Variants in SLC3A1 observed in about 807,000 individuals in gnomAD.
SLC3A1 encodes solute carrier family 3 member 1, also known as amino acid transporter heavy chain SLC3A1.
In SLC3A1, 78 loss-of-function variants were observed where a neutral mutation model predicts 60.3. That is an observed-to-expected ratio of 1.29 (90% confidence interval 1.08 to 1.56). SLC3A1 has a LOEUF of 1.56. Among genes scored for constraint, SLC3A1 ranks in the 40% most tolerant of loss-of-function variants. SLC3A1 has a pLI of 0.00. For missense variants in SLC3A1, 1,172 were observed against 858.9 expected, an observed-to-expected ratio of 1.36 and a Z score of -4.56; for synonymous variants, 392 against 307.9, an observed-to-expected ratio of 1.27 and a Z score of -2.86.
chr2:44,285,982 T>C (rs747884566), intron 3 of SLC3A1, 50 bp from the exon 4 acceptor site: 2 of 1,609,808 alleles, frequency 1.2e-6, no homozygotes, highest in East Asian at 4.5e-5. Flanking sequence ...TCTTTATTTG[T>C]GGGCAATACC....
At chr2:44,276,701 A>G (rs1339649941) in intron 1 of SLC3A1, among the ~76,000 whole-genome samples, 1 of 151,976 alleles carries the variant, frequency 6.6e-6, no homozygotes, top group Non-Finnish European at 1.5e-5. Context: ...CCCGTCTCCA[A>G]AAAGAAAAAA....
intron 7 of SLC3A1, among the ~76,000 whole-genome samples, chr2:44,308,127 G>C (rs1443372794): frequency 6.6e-6 from 1 of 152,084 alleles, no homozygotes; most frequent in Non-Finnish European, 1.5e-5. Context: ...GACAGAGTGA[G>C]ACCCCGTCTC....
downstream of SLC3A1, chr2:44,321,997 C>A (rs994076905): frequency 1.6e-6 from 2 of 1,250,822 alleles, no homozygotes; most frequent in South Asian, 1.6e-5. Context: ...GTACTCAGTT[C>A]AAATAATAGT....
In SLC3A1 at chr2:44,301,705, C is replaced by T. The variant is rs768339236; in HGVS notation, c.1136+578C>T. On this transcript the variant is annotated intron_variant, in intron 6 of 9. Coordinates refer to ENST00000260649, the MANE Select transcript of SLC3A1 (RefSeq NM_000341.4). ...AGCGAGTCAAGATTGCACCACTGCA[C>T]TCCAGCCTGGGCGACAGAGCGAGAC... 2.0e-5 allele frequency among the ~76,000 whole-genome samples: 3 copies of T among 147,860 alleles called. No homozygotes were observed. The Admixed American group carries it at 2.0e-4, about 10-fold the overall frequency.
chr2:44,300,205 A>G (rs1671967565), intron 5 of SLC3A1, 115 bp downstream of exon 5: 2 of 1,025,528 alleles, frequency 2.0e-6, no homozygotes, highest in South Asian at 2.7e-5. Context: ...TGTGTCTAGC[A>G]AGTACCCTGA....
At position 44,304,152 on chromosome 2, in the gene SLC3A1, G is replaced by T. The variant is rs1672090921; in HGVS notation, c.1146G>T (p.Gly382=). ...TTGTCAACTCTTATAGGTTCATGGGGACTGAAGCCTATGCAGAGAGTATTG... is the reference window on the plus strand; with the variant it reads ...TTGTCAACTCTTATAGGTTCATGGGTACTGAAGCCTATGCAGAGAGTATTG... The part of the protein sequence containing the change: ...STEPGRYRFM[G]TEAYAESIDR... The change falls in exon 7 of 10, where the codon GGG becomes GGT. Residue 382 remains glycine (G), a synonymous_variant. Transcript: ENST00000260649. 6.2e-7 allele frequency: 1 copy of T among 1,613,866 alleles called. No individual in the cohort carries two copies. Among genetic ancestry groups the T allele is most frequent in the Non-Finnish European group, 8.5e-7 (1 of 1,179,736 alleles).
chr2:44,277,547 C>T (rs1313219914), intron 1 of SLC3A1, among the ~76,000 whole-genome samples: 1 of 152,152 alleles, frequency 6.6e-6, no homozygotes, highest in Non-Finnish European at 1.5e-5. Context: ...GCTCCCCACC[C>T]CAGATCTTCG....
At chr2:44,297,025 C>A (rs1367628104) in intron 4 of SLC3A1, among the ~76,000 whole-genome samples, 1 of 152,198 alleles carries the variant, frequency 6.6e-6, no homozygotes, top group Non-Finnish European at 1.5e-5. Context: ...ACAAATTACC[C>A]AGTCTTAGAT....
chr2:44,310,697 T>A (rs977992692), intron 7 of SLC3A1, among the ~76,000 whole-genome samples: 3 of 152,168 alleles, frequency 2.0e-5, no homozygotes, highest in African/African-American at 4.8e-5. Flanking sequence ...TGGCTATTTT[T>A]TTTTTAAATA....
chr2:44,316,423 C>G (rs1188466135), intron 9 of SLC3A1: 1 of 152,008 alleles, frequency 6.6e-6, no homozygotes, highest in African/African-American at 2.4e-5. Flanking sequence ...AAAAATTGAT[C>G]CAGGGGCTTG....
At position 44,320,513 on chromosome 2, in the gene SLC3A1, G is replaced by C; in HGVS notation, c.1932G>C (p.Glu644Asp). The C allele has an allele frequency of 6.2e-7, 1 of 1,614,134 alleles. No homozygotes were observed. Among genetic ancestry groups the C allele is most frequent in the Non-Finnish European group, 8.5e-7 (1 of 1,179,984 alleles). Residue 644 changes from glutamate to aspartate, a missense_variant, in exon 10 of 10, where the codon GAG (glutamate) becomes GAC (aspartate). Physicochemically the swap from Glu to Asp is conservative, Grantham distance 45. Transcript: ENST00000260649. ...GTGGCATTTTTCTGGACAAGGGAGAGGGACTCATCTTTGAACACAACACGA... is the reference window on the plus strand; with the variant it reads ...GTGGCATTTTTCTGGACAAGGGAGACGGACTCATCTTTGAACACAACACGA... ...DTSGIFLDKG[E>D]GLIFEHNTKN...
At chr2:44,291,418 C>A (rs1282748002) in intron 4 of SLC3A1, among the ~76,000 whole-genome samples, 1 of 152,158 alleles carries the variant, frequency 6.6e-6, no homozygotes, top group Non-Finnish European at 1.5e-5. Flanking sequence ...GATACCCAAG[C>A]CGTGGAGTGT....
At position 44,280,754 on chromosome 2, in the gene SLC3A1, A is replaced by T. The variant is rs1386696169; in HGVS notation, c.469A>T (p.Ile157Leu). The T allele has an allele frequency of 1.9e-6, 3 of 1,611,126 alleles. No individual in the cohort carries two copies. The African/African-American group carries it at 4.0e-5, about 22-fold the overall frequency. The change falls in exon 2 of 10, where the codon ATA becomes TTA. Residue 157 changes from isoleucine (I) to leucine (L), a missense_variant. Transcript: ENST00000260649. ...ACTGGACTACATCACAGCTTTAAATATAAAAACTGTTTGGATTACTTCATT... is the reference window on the plus strand; with the variant it reads ...ACTGGACTACATCACAGCTTTAAATTTAAAAACTGTTTGGATTACTTCATT... ...DKLDYITALNIKTVWITSFYK... is the reference protein window; with the variant it reads ...DKLDYITALNLKTVWITSFYK...
intron 4 of SLC3A1, among the ~76,000 whole-genome samples, chr2:44,291,188 T>C (rs1671733448): frequency 6.6e-6 from 1 of 152,250 alleles, no homozygotes; most frequent in Admixed American, 6.5e-5. Flanking sequence ...TCACTTTTTC[T>C]GCACAGATTT....
downstream of SLC3A1, among the ~76,000 whole-genome samples, chr2:44,322,309 T>G (rs764290314): frequency 5.3e-5 from 8 of 152,158 alleles, no homozygotes; most frequent in Non-Finnish European, 8.8e-5. Flanking sequence ...CTCATAAAGC[T>G]GAAACAGCTA....
intron 4 of SLC3A1, among the ~76,000 whole-genome samples, chr2:44,289,418 C>T (rs920927417): frequency 1.3e-5 from 2 of 151,790 alleles, no homozygotes; most frequent in African/African-American, 2.4e-5. Context: ...ACCATGTTGG[C>T]CAGGCTGGTC....
At chr2:44,306,970 C>A (rs1286205072) in intron 7 of SLC3A1, among the ~76,000 whole-genome samples, 2 of 152,192 alleles carry the variant, frequency 1.3e-5, no homozygotes, top group Non-Finnish European at 2.9e-5. Flanking sequence ...CCAAAATAAA[C>A]CACATCTCCA....
chr2:44,311,924 A>T (rs939931290), intron 7 of SLC3A1, among the ~76,000 whole-genome samples: 4 of 152,144 alleles, frequency 2.6e-5, no homozygotes, highest in African/African-American at 9.7e-5. Context: ...TAGGTGTGAA[A>T]GTACTTTTTA....
At chr2:44,276,825 C>T (rs1017263115) in intron 1 of SLC3A1, among the ~76,000 whole-genome samples, 2 of 152,176 alleles carry the variant, frequency 1.3e-5, no homozygotes, top group South Asian at 4.1e-4. Context: ...TAAAATTATG[C>T]CAGATGGCAG....
Sources: allele counts gnomAD v4.1 joint callset (sites outside exome capture counted in the v4.1 genomes callset), GRCh38; gene constraint gnomAD v4.1.1; transcripts MANE v1.5; gene names NCBI Gene and HGNC (gene_info 2026-07-23, HGNC 2026-07-21).